Variants in PVT1 observed in about 807,000 individuals in gnomAD.
The protein encoded by PVT1 is CXCR4/PVT1 fusion.
chr8:127,811,715 C>T (rs529393815), intron 2 of PVT1, among the ~76,000 whole-genome samples: 222 of 152,196 alleles, frequency 1.5e-3, no homozygotes, highest in African/African-American at 5.2e-3. Context: ...TTTCTCTCTC[C>T]GTCCCCTCAA....
chr8:127,898,066 GA>G lies in PVT1; in HGVS notation n.782+7072del, dbSNP rs765360702. On this transcript the variant is annotated intron_variant and non_coding_transcript_variant, in intron 3 of 10. Coordinates refer to ENST00000651587, the Ensembl canonical transcript of PVT1. This position sits in a 1 kb window ranked among gnomAD's most constrained non-coding sequence, Gnocchi z 4.4. ...TGTCCTTTGTACCTGCGTGAAGAAA[GA>G]AAAGAAAAGAAAGAAAAGGGAAGGA... Among the ~76,000 whole-genome samples, 17 of 130,614 alleles carry G rather than the reference GA, an allele frequency of 1.3e-4. No individual in the cohort carries two copies. In the East Asian group the frequency reaches 2.7e-3, roughly 21 times the overall value. The allele number at this position is 130,614 out of a possible 152,430, so 85.7% of individuals were successfully genotyped here.
intron 3 of PVT1, among the ~76,000 whole-genome samples, chr8:127,961,178 C>T (rs183567051): frequency 5.9e-5 from 9 of 152,134 alleles, no homozygotes; most frequent in Non-Finnish European, 1.0e-4. Context: ...GTGCTGAGGG[C>T]GATGGTCTCA....
At chr8:127,805,296 C>A (rs942186369) in intron 2 of PVT1, among the ~76,000 whole-genome samples, 2 of 151,786 alleles carry the variant, frequency 1.3e-5, no homozygotes, top group African/African-American at 4.8e-5. Flanking sequence ...CTTTATCATT[C>A]CTTTGATTTG....
intron 2 of PVT1, among the ~76,000 whole-genome samples, chr8:127,856,980 C>T (rs961465999): frequency 3.3e-5 from 5 of 152,154 alleles, no homozygotes; most frequent in African/African-American, 1.2e-4. Context: ...AATTCCAGCA[C>T]TTTGGGAGGC....
intron 4 of PVT1, among the ~76,000 whole-genome samples, chr8:128,051,609 A>C (rs2130105981): frequency 6.6e-6 from 1 of 152,126 alleles, no homozygotes; most frequent in Non-Finnish European, 1.5e-5. Context: ...GTGTCCCATA[A>C]GTCCCATAGG....
intron 2 of PVT1, among the ~76,000 whole-genome samples, chr8:127,879,665 G>C (rs552088052): frequency 1.3e-5 from 2 of 152,348 alleles, no homozygotes; most frequent in South Asian, 4.1e-4. Context: ...CTGTGCACCA[G>C]TGTTCTCGTT....
intron 2 of PVT1, among the ~76,000 whole-genome samples, chr8:127,843,080 G>T (rs1244540422): frequency 6.6e-6 from 1 of 152,214 alleles, no homozygotes; most frequent in Non-Finnish European, 1.5e-5. Context: ...TATGGGCTGG[G>T]CACGGTGGCT....
intron 4 of PVT1, among the ~76,000 whole-genome samples, chr8:128,001,696 G>A (rs1272790187): frequency 1.3e-5 from 2 of 152,096 alleles, no homozygotes; most frequent in Admixed American, 1.3e-4. Context: ...CCATAAACTG[G>A]GTGGTTTACA....
intron 4 of PVT1, among the ~76,000 whole-genome samples, chr8:127,993,545 C>T (rs532425362): frequency 8.3e-4 from 126 of 152,376 alleles, no homozygotes; most frequent in African/African-American, 2.8e-3. Flanking sequence ...ATTTCACTTT[C>T]CTGAACATCA....
intron 2 of PVT1, among the ~76,000 whole-genome samples, chr8:127,887,587 G>A (rs1463195237): frequency 6.6e-6 from 1 of 152,130 alleles, no homozygotes; most frequent in Non-Finnish European, 1.5e-5. Flanking sequence ...GTGCAGTGGT[G>A]TAATCTTGGT....
chr8:128,049,506 G>A (rs565777895), intron 4 of PVT1, among the ~76,000 whole-genome samples: 1 of 152,338 alleles, frequency 6.6e-6, no homozygotes, highest in African/African-American at 2.4e-5. Context: ...CTGGGCCATT[G>A]GAGTGGTGGG....
chr8:127,908,789 C>T (rs953716382), intron 3 of PVT1, among the ~76,000 whole-genome samples: 1 of 152,142 alleles, frequency 6.6e-6, no homozygotes, highest in Non-Finnish European at 1.5e-5. Context: ...GGAAGGGCTG[C>T]GGAAGGTGTC....
intron 4 of PVT1, among the ~76,000 whole-genome samples, chr8:128,016,782 A>G (rs1817379756): frequency 6.6e-6 from 1 of 152,204 alleles, no homozygotes; most frequent in African/African-American, 2.4e-5. Flanking sequence ...CCAGAAAGCC[A>G]TGGCTTTTCC....
At chr8:127,970,664 A>T (rs1041833725) in intron 3 of PVT1, among the ~76,000 whole-genome samples, 1 of 152,116 alleles carries the variant, frequency 6.6e-6, no homozygotes, top group Non-Finnish European at 1.5e-5. Context: ...GCCAGGGGGA[A>T]GACTTAGGAC....
At chr8:128,066,939 C>T (rs1003057074) in intron 4 of PVT1, among the ~76,000 whole-genome samples, 9 of 152,096 alleles carry the variant, frequency 5.9e-5, no homozygotes, top group African/African-American at 2.2e-4. Context: ...ACTGAGCATC[C>T]AATACCCCTC....
chr8:127,857,192 C>T lies in PVT1; in HGVS notation n.373-33397C>T, dbSNP rs150713299. Among the ~76,000 whole-genome samples the T allele has an allele frequency of 6.7e-4, 102 of 152,238 alleles. No homozygotes were observed. The East Asian group carries it at 0.019, about 29-fold the overall frequency. On this transcript the variant is annotated intron_variant and non_coding_transcript_variant, in intron 2 of 10. Coordinates refer to ENST00000651587, the Ensembl canonical transcript of PVT1. ...AGTGAGCCAACATTGTGCCACTGTACTCCACCCTGGGATACGGAGCAGGAC... is the reference window on the plus strand; with the variant it reads ...AGTGAGCCAACATTGTGCCACTGTATTCCACCCTGGGATACGGAGCAGGAC...
At chr8:128,039,004 A>C (rs1813497850) in intron 4 of PVT1, among the ~76,000 whole-genome samples, 1 of 152,118 alleles carries the variant, frequency 6.6e-6, no homozygotes, top group Non-Finnish European at 1.5e-5. Context: ...GAGGGAAGGG[A>C]GGCAGAAGGA....
At chr8:127,944,122 G>T (rs1816387966) in intron 3 of PVT1, among the ~76,000 whole-genome samples, 1 of 152,132 alleles carries the variant, frequency 6.6e-6, no homozygotes, top group Admixed American at 6.5e-5. Flanking sequence ...AAAGAGATGG[G>T]GGTGGCCCAG....
chr8:127,877,896 A>G (rs144397969), intron 2 of PVT1, among the ~76,000 whole-genome samples: 475 of 152,286 alleles, frequency 3.1e-3, no homozygotes, highest in Non-Finnish European at 5.4e-3. Flanking sequence ...ACTGCACTCC[A>G]GCCTGGGTGA....
Sources: allele counts gnomAD v4.1 joint callset (sites outside exome capture counted in the v4.1 genomes callset), GRCh38; gene constraint gnomAD v4.1.1; non-coding constraint Gnocchi (gnomAD v3.1); transcripts MANE v1.5; gene names NCBI Gene and HGNC (gene_info 2026-07-23, HGNC 2026-07-21).